Variants in ANKRD62 observed in about 807,000 individuals in gnomAD.
ANKRD62 encodes the protein ankyrin repeat domain 62.
In ANKRD62, 61 loss-of-function variants were observed where a neutral mutation model predicts 98.8. That is an observed-to-expected ratio of 0.62 (90% CI 0.50 to 0.76). ANKRD62 has a LOEUF of 0.76. ANKRD62 is among the 30% of genes least tolerant of loss of function. The pLI is 0.00. For synonymous variants in ANKRD62, 341 were observed against 367.9 expected (o/e 0.93, Z 0.84); for missense variants, 933 against 1,082.9 (o/e 0.86, Z 1.94).
At chr18:12,114,691 T>A (rs1357420357) in intron 8 of ANKRD62, among the ~76,000 whole-genome samples, 1 of 152,170 alleles carries the variant, frequency 6.6e-6, no homozygotes, top group Non-Finnish European at 1.5e-5. Context: ...AAAAAGGGAT[T>A]CTGTTACACA....
chr18:12,151,841 G>A, the ANKRD62 span, among the ~76,000 whole-genome samples: 1 of 151,970 alleles, frequency 6.6e-6, no homozygotes, highest in Non-Finnish European at 1.5e-5. Flanking sequence ...AGAGAAGAGA[G>A]ACAATCCAAA....
At chr18:12,120,021 T>G (rs1909751412) in intron 10 of ANKRD62, among the ~76,000 whole-genome samples, 1 of 152,178 alleles carries the variant, frequency 6.6e-6, no homozygotes, top group Non-Finnish European at 1.5e-5. Context: ...TGTTATTGGT[T>G]TCTAATATCA....
In ANKRD62 at chr18:12,107,982, G is replaced by A. The variant is rs1034962226; in HGVS notation, c.1064+515G>A. On this transcript the variant is annotated intron_variant, in intron 8 of 13. Coordinates refer to ENST00000587848, the MANE Select transcript of ANKRD62 (RefSeq NM_001277333.2). ...TTATTTCTTTATATGAAATTGTTGC[G>A]TGCATACATATATATGGTAAGAACT... 4.6e-5 allele frequency among the ~76,000 whole-genome samples: 7 copies of A among 152,092 alleles called. No homozygotes were observed. The East Asian group carries it at 7.7e-4, about 17-fold the overall frequency.
Position 12,125,919 on chromosome 18 carries a change from C to G in ANKRD62, c.2098C>G (p.Gln700Glu), listed in dbSNP as rs557624087. 45 of 1,539,578 alleles carry G rather than the reference C, an allele frequency of 2.9e-5. No homozygotes were observed. The East Asian group carries it at 1.0e-3, about 35-fold the overall frequency. Residue 700 changes from glutamine to glutamate, a missense_variant, in exon 13 of 14, where the codon CAG becomes GAG. Physicochemically the swap from Gln to Glu is conservative, Grantham distance 29. Transcript: ENST00000587848. ...ACAAGAAGACACTAATTCTCACATT[C>G]AGATTCTTTCTCAGCAACTTTCTAA... ...HLQEDTNSHIQILSQQLSKAE... is the reference protein window; with the variant it reads ...HLQEDTNSHIEILSQQLSKAE...
intron 10 of ANKRD62, among the ~76,000 whole-genome samples, chr18:12,120,261 G>A (rs1232168176): frequency 1.3e-5 from 2 of 152,042 alleles, no homozygotes; most frequent in Non-Finnish European, 2.9e-5. Context: ...CCTAGAAATT[G>A]TCTATTTCTT....
chr18:12,173,631 C>T, the ANKRD62 span, among the ~76,000 whole-genome samples: 1 of 152,156 alleles, frequency 6.6e-6, no homozygotes, highest in Non-Finnish European at 1.5e-5. Context: ...TGGCTGGTAA[C>T]AATCTTTTCA....
the ANKRD62 span, among the ~76,000 whole-genome samples, chr18:12,151,170 A>G: frequency 1.3e-5 from 2 of 152,350 alleles, no homozygotes; most frequent in Non-Finnish European, 2.9e-5. Context: ...TCAAACCAAC[A>G]AAGATCAAAA....
In ANKRD62 at chr18:12,093,972, G is replaced by A. The variant is rs1909106079; in HGVS notation, c.-46G>A. On this transcript the variant is annotated 5_prime_UTR_variant, in exon 1 of 14. Transcript: ENST00000587848. ...GCAGAAAACGAGTGGGAGCTGAGGT[G>A]TCTTAAAGCCGTTCCTCAGCCTGGG... 6.6e-7 allele frequency: 1 copy of A among 1,522,776 alleles called. No homozygotes were observed. Among genetic ancestry groups the A allele is most frequent in the African/African-American group, 1.4e-5 (1 of 72,798 alleles). The allele number at this position is 1,522,776 out of a possible 1,614,324, so 94.3% of individuals were successfully genotyped here.
At chr18:12,177,610 A>G in the ANKRD62 span, among the ~76,000 whole-genome samples, 1 of 151,866 alleles carries the variant, frequency 6.6e-6, no homozygotes, top group Non-Finnish European at 1.5e-5. Flanking sequence ...ACACGCCAAG[A>G]CTTTGCTGTA....
At position 12,102,510 on chromosome 18, in the gene ANKRD62, C is replaced by G. The variant is rs536190174; in HGVS notation, c.821-648C>G. 4.3e-5 allele frequency: 16 copies of G among 372,622 alleles called. 1 individual carries two copies. The Middle Eastern group carries it at 2.8e-3, about 66-fold the overall frequency. 23.1% of individuals were successfully genotyped at this position (372,622 alleles called of 1,614,324 possible). On this transcript the variant is annotated intron_variant, in intron 6 of 13. Transcript: ENST00000587848. ...ACTCAAGGTCATCCACCAACCCCCA[C>G]TTTGTATTTTAGTTATAGTCGGTTA...
At chr18:12,151,750 A>G in the ANKRD62 span, among the ~76,000 whole-genome samples, 1 of 152,174 alleles carries the variant, frequency 6.6e-6, no homozygotes, top group African/African-American at 2.4e-5. Context: ...AGACTCAGAA[A>G]ATTATCCAAA....
In ANKRD62 at chr18:12,129,299, T is replaced by C. The variant is rs1909958553; in HGVS notation, c.*1360T>C. 6.6e-6 allele frequency: 1 copy of C among 152,152 alleles called. No homozygotes were observed. The highest frequency in any genetic ancestry group is 1.5e-5 in the Non-Finnish European group (1 of 68,032). The allele number at this position is 152,152 out of a possible 1,614,324, so 9.4% of individuals were successfully genotyped here. A position where few individuals can be genotyped will look rare whatever the true frequency, so the allele number is the denominator to read the frequency against. ...AATCCTAGAGCATAGGCAGTAAACT[T>C]TTCTGTAAAGGGCCAAGTAGTATTA... On this transcript the variant is annotated 3_prime_UTR_variant, in exon 14 of 14. Transcript: ENST00000587848.
chr18:12,108,033 ATGTT>A (rs1235561288), intron 8 of ANKRD62, among the ~76,000 whole-genome samples: 2 of 152,184 alleles, frequency 1.3e-5, no homozygotes, highest in Non-Finnish European at 2.9e-5. Context: ...TCATATCAAA[ATGTT>A]TGAGATTGTG....
chr18:12,156,462 T>C, the ANKRD62 span, among the ~76,000 whole-genome samples: 3 of 152,136 alleles, frequency 2.0e-5, no homozygotes, highest in Admixed American at 2.0e-4. Flanking sequence ...AATCTGTTTT[T>C]TAATCTATGG....
At chr18:12,104,493 A>G (rs990030376) in intron 7 of ANKRD62, among the ~76,000 whole-genome samples, 2 of 152,144 alleles carry the variant, frequency 1.3e-5, no homozygotes, top group Admixed American at 6.6e-5. Context: ...ATATATCTGT[A>G]TATACAAGAC....
At chr18:12,120,869 C>G (rs879900410) in intron 10 of ANKRD62, among the ~76,000 whole-genome samples, 2 of 152,080 alleles carry the variant, frequency 1.3e-5, no homozygotes, top group Admixed American at 1.3e-4. Context: ...TAATGTTATA[C>G]CACATCATAG....
intron 5 of ANKRD62, among the ~76,000 whole-genome samples, chr18:12,098,162 G>T (rs533017058): frequency 6.6e-6 from 1 of 152,182 alleles, no homozygotes; most frequent in Admixed American, 6.5e-5. Context: ...ATCTTATGTA[G>T]CAGCTTTTCT....
chr18:12,117,587 G>A (rs1490763496), intron 10 of ANKRD62, among the ~76,000 whole-genome samples: 1 of 152,174 alleles, frequency 6.6e-6, no homozygotes. Context: ...ATACATGTTA[G>A]CTGTAGGTTC....
At chr18:12,163,779 T>A in the ANKRD62 span, among the ~76,000 whole-genome samples, 1 of 151,992 alleles carries the variant, frequency 6.6e-6, no homozygotes, top group African/African-American at 2.4e-5. Flanking sequence ...GATCATATGG[T>A]TTTTGTCTTT....
Sources: allele counts gnomAD v4.1 joint callset (sites outside exome capture counted in the v4.1 genomes callset), GRCh38; gene constraint gnomAD v4.1.1; transcripts MANE v1.5; gene names NCBI Gene and HGNC (gene_info 2026-07-23, HGNC 2026-07-21).